Variants in TMC2 observed in about 807,000 individuals in gnomAD.
TMC2 encodes the protein transmembrane channel-like protein 2.
TMC2 carries 102 observed loss-of-function variants against 105.9 expected under a neutral mutation model. The observed-to-expected ratio is 0.96, with a 90% CI of 0.82 to 1.14. TMC2 has a LOEUF of 1.14. TMC2 is among the 50% of genes most tolerant of loss of function. The pLI, the probability that TMC2 is intolerant of heterozygous loss-of-function variation, is 0.00. For missense variants in TMC2, 1,093 were observed against 1,134.3 expected, an observed-to-expected ratio of 0.96 and a Z score of 0.52; for synonymous variants, 402 against 422.8, an observed-to-expected ratio of 0.95 and a Z score of 0.60.
At chr20:2,597,646 C>T (rs1411631710) in intron 10 of TMC2, among the ~76,000 whole-genome samples, 1 of 143,060 alleles carries the variant, frequency 7.0e-6, no homozygotes, top group African/African-American at 2.7e-5. Context: ...TGCCACTATG[C>T]CCAGCTAATT....
chr20:2,582,260 G>A (rs973291333), intron 7 of TMC2, among the ~76,000 whole-genome samples: 1 of 152,060 alleles, frequency 6.6e-6, no homozygotes, highest in Non-Finnish European at 1.5e-5. Context: ...TGGCCATATG[G>A]GAATCAGACA....
chr20:2,542,716 CAG>C (rs957389702), intron 2 of TMC2, among the ~76,000 whole-genome samples: 5 of 126,254 alleles, frequency 4.0e-5, no homozygotes, highest in East Asian at 2.2e-4. Flanking sequence ...TTTTTTTTGA[CAG>C]AGTCTCGCTC....
At chr20:2,624,531 T>G in intron 17 of TMC2, 135 bp downstream of exon 17, 1 of 1,103,254 alleles carries the variant, frequency 9.1e-7, no homozygotes, top group Non-Finnish European at 1.3e-6. Context: ...AGGATTCAAG[T>G]GTAAGTATTT....
At chr20:2,537,712 C>T (rs985175158) in intron 2 of TMC2, among the ~76,000 whole-genome samples, 3 of 152,052 alleles carry the variant, frequency 2.0e-5, no homozygotes, top group African/African-American at 7.2e-5. Context: ...ATAATGGGTG[C>T]TCCATCACCT....
At chr20:2,622,898 T>C (rs2146255879) in intron 16 of TMC2, among the ~76,000 whole-genome samples, 1 of 152,214 alleles carries the variant, frequency 6.6e-6, no homozygotes, top group Non-Finnish European at 1.5e-5. Flanking sequence ...CTGAGATAAA[T>C]ACAATTATTA....
At chr20:2,633,326 A>C (rs1226034927) in intron 17 of TMC2, among the ~76,000 whole-genome samples, 1 of 9,920 alleles carries the variant, frequency 1.0e-4, no homozygotes, top group African/African-American at 2.6e-4. Flanking sequence ...TTGGACACAT[A>C]AACAGCCCTG....
chr20:2,629,344 G>T (rs1019178129), intron 17 of TMC2, among the ~76,000 whole-genome samples: 4 of 151,982 alleles, frequency 2.6e-5, no homozygotes, highest in Non-Finnish European at 5.9e-5. Context: ...TGCATTTACA[G>T]GGTGGGGAGT....
chr20:2,598,576 G>A (rs140733182), intron 10 of TMC2, among the ~76,000 whole-genome samples: 127 of 151,874 alleles, frequency 8.4e-4, no homozygotes, highest in African/African-American at 2.9e-3. Flanking sequence ...CACCATGCCC[G>A]GCTAATTTTT....
chr20:2,610,187 A>G (rs1275820301), intron 11 of TMC2, among the ~76,000 whole-genome samples: 1 of 152,182 alleles, frequency 6.6e-6, no homozygotes. Context: ...AACAACAACC[A>G]TTATAGCATC....
At chr20:2,608,416 C>T (rs1033032331) in intron 11 of TMC2, among the ~76,000 whole-genome samples, 6 of 151,928 alleles carry the variant, frequency 3.9e-5, no homozygotes, top group African/African-American at 1.4e-4. Flanking sequence ...CAACCTCCGC[C>T]TCCCAGGTTC....
chr20:2,576,202 G>A (rs2086143082), intron 5 of TMC2, among the ~76,000 whole-genome samples: 2 of 152,128 alleles, frequency 1.3e-5, no homozygotes, highest in South Asian at 4.1e-4. Flanking sequence ...ATGTATAGCT[G>A]GAGGGCAAGA....
chr20:2,598,248 G>A (rs1299898947), intron 10 of TMC2, among the ~76,000 whole-genome samples: 2 of 151,566 alleles, frequency 1.3e-5, no homozygotes, highest in African/African-American at 4.8e-5. Flanking sequence ...AACAAAGAGA[G>A]AGAAAGGGAG....
intron 4 of TMC2, among the ~76,000 whole-genome samples, chr20:2,567,427 G>C (rs73087347): frequency 3.9e-5 from 6 of 152,146 alleles, no homozygotes; most frequent in African/African-American, 1.2e-4. Flanking sequence ...AAAAGTCCAG[G>C]TTTCAATTAA....
chr20:2,631,442 C>T (rs2086602302), intron 17 of TMC2, among the ~76,000 whole-genome samples: 1 of 152,216 alleles, frequency 6.6e-6, no homozygotes, highest in Admixed American at 6.5e-5. Flanking sequence ...GCATTTCTTA[C>T]AGAGTAGGTC....
At chr20:2,606,311 G>A (rs575670370) in intron 11 of TMC2, among the ~76,000 whole-genome samples, 1 of 152,306 alleles carries the variant, frequency 6.6e-6, no homozygotes, top group East Asian at 1.9e-4. Context: ...CCAGGCTGGA[G>A]TGCAGTGGCA....
Position 2,625,736 on chromosome 20 carries a change from G to A in TMC2, c.2306+1340G>A, listed in dbSNP as rs117199268. 2.1e-3 allele frequency among the ~76,000 whole-genome samples: 316 copies of A among 152,324 alleles called. 1 individual carries two copies. Among genetic ancestry groups the A allele is most frequent in the Non-Finnish European group, 3.4e-3 (233 of 68,026 alleles). On this transcript the variant is annotated intron_variant, in intron 17 of 19. Coordinates refer to ENST00000358864, the MANE Select transcript of TMC2 (RefSeq NM_080751.3). ...TATATCTCCTTGCACAATTCTGAGAGTTGCTCTAAGGTAGACATCTAGAAG... is the reference window on the plus strand; with the variant it reads ...TATATCTCCTTGCACAATTCTGAGAATTGCTCTAAGGTAGACATCTAGAAG...
chr20:2,595,325 T>C (rs982686913), intron 9 of TMC2, among the ~76,000 whole-genome samples: 1 of 152,220 alleles, frequency 6.6e-6, no homozygotes, highest in Non-Finnish European at 1.5e-5. Flanking sequence ...GGGAGCATAG[T>C]ACCTAGTAAG....
chr20:2,621,593 C>T (rs561829927), intron 16 of TMC2, among the ~76,000 whole-genome samples: 2 of 152,070 alleles, frequency 1.3e-5, no homozygotes, highest in South Asian at 2.1e-4. Context: ...CACTTGAACC[C>T]GGGAGGCAGA....
At chr20:2,572,320 G>C in intron 5 of TMC2, 51 bp downstream of exon 5, 1 of 1,466,504 alleles carries the variant, frequency 6.8e-7, no homozygotes, top group South Asian at 1.2e-5. Flanking sequence ...CTCAGCTTTG[G>C]AATCTGGCGA....
Sources: allele counts gnomAD v4.1 joint callset (sites outside exome capture counted in the v4.1 genomes callset), GRCh38; gene constraint gnomAD v4.1.1; transcripts MANE v1.5; gene names NCBI Gene and HGNC (gene_info 2026-07-23, HGNC 2026-07-21).